CERS6: variants seen among roughly 807,000 people sequenced by gnomAD.
The protein encoded by CERS6 is ceramide synthase 6.
Under a neutral mutation model 56.8 loss-of-function variants are expected in CERS6, and 26 were observed. That is an observed-to-expected ratio of 0.46 (90% CI 0.34 to 0.63). The LOEUF (loss-of-function observed/expected upper bound fraction) is 0.63, where lower values mean the gene tolerates loss of function less well. CERS6 is among the 30% of genes least tolerant of loss of function. The probability of loss-of-function intolerance (pLI) is 0.01; values close to 1 mark genes in which losing one functional copy is unlikely to be tolerated. For synonymous variants in CERS6, 164 were observed against 173.3 expected (o/e 0.95, Z 0.42); for missense variants, 415 against 467.5 (o/e 0.89, Z 1.04).
At chr2:168,670,984 C>A (rs918004383) in intron 4 of CERS6, among the ~76,000 whole-genome samples, 23 of 138,756 alleles carry the variant, frequency 1.7e-4, no homozygotes, top group Non-Finnish European at 2.8e-4. Flanking sequence ...CCCCCCCAGA[C>A]GGAAGCTTGC....
intron 4 of CERS6, among the ~76,000 whole-genome samples, chr2:168,643,155 A>G (rs10199120): frequency 0.31 from 47,312 of 152,098 alleles, 9,003 homozygotes; most frequent in African/African-American, 0.52. Flanking sequence ...TGTTCCTCCT[A>G]ATCACAGCCC....
At chr2:168,510,447 A>G (rs1367559253) in intron 1 of CERS6, among the ~76,000 whole-genome samples, 1 of 152,172 alleles carries the variant, frequency 6.6e-6, no homozygotes. Context: ...GTAATGTGCT[A>G]TGCAGATTTG....
intron 3 of CERS6, among the ~76,000 whole-genome samples, chr2:168,571,601 A>G (rs1051388466): frequency 4.6e-5 from 7 of 152,156 alleles, no homozygotes; most frequent in Admixed American, 6.5e-5. Context: ...CAAATTCATA[A>G]TAAGCCCTCC....
intron 4 of CERS6, among the ~76,000 whole-genome samples, chr2:168,679,969 A>T (rs1280065478): frequency 1.3e-5 from 2 of 152,372 alleles, no homozygotes; most frequent in East Asian, 1.9e-4. Context: ...ACCAAAGAGC[A>T]TGAAACCGCA....
intron 4 of CERS6, among the ~76,000 whole-genome samples, chr2:168,650,972 C>T (rs1685328079): frequency 6.6e-6 from 1 of 151,910 alleles, no homozygotes; most frequent in Non-Finnish European, 1.5e-5. Context: ...GGAGAGTGGG[C>T]AGGAGTGTGA....
chr2:168,477,177 G>C (rs1188328871), intron 1 of CERS6, among the ~76,000 whole-genome samples: 9 of 36,074 alleles, frequency 2.5e-4, no homozygotes, highest in Admixed American at 1.1e-3. Flanking sequence ...GAGAGACAGA[G>C]AGAGAGAGAG....
chr2:168,721,598 A>G (rs1217399975), intron 8 of CERS6, among the ~76,000 whole-genome samples: 1 of 147,790 alleles, frequency 6.8e-6, no homozygotes, highest in Admixed American at 6.8e-5. Flanking sequence ...AAAACTAAAG[A>G]AAAAGAACAT....
Position 168,576,405 on chromosome 2 carries a change from T to G in CERS6, c.407+15083T>G, listed in dbSNP as rs149644005. Among the ~76,000 whole-genome samples, 115 of 152,286 alleles carry G rather than the reference T, an allele frequency of 7.6e-4. 1 individual carries two copies. The highest frequency in any genetic ancestry group is 1.4e-3 in the Non-Finnish European group (97 of 68,026). On this transcript the variant is annotated intron_variant, in intron 3 of 9. Coordinates refer to ENST00000305747, the MANE Select transcript of CERS6 (RefSeq NM_203463.3). Reference sequence around the variant, plus strand: ...CCCAAATACATTTTGAGTGCCTACTTTATGCCCAGCGGTCTTGTAAGTGCT... The same window carrying G: ...CCCAAATACATTTTGAGTGCCTACTGTATGCCCAGCGGTCTTGTAAGTGCT...
At chr2:168,552,068 T>C (rs986996173) in intron 2 of CERS6, among the ~76,000 whole-genome samples, 3 of 152,172 alleles carry the variant, frequency 2.0e-5, no homozygotes, top group Non-Finnish European at 4.4e-5. Flanking sequence ...ACTTTTGGTA[T>C]GTTAGAGTAA....
In CERS6 at chr2:168,766,322, G is replaced by A. The variant is rs1326171546; in HGVS notation, c.1002+574G>A. The A allele has an allele frequency of 2.5e-6, 4 of 1,598,010 alleles. No individual in the cohort carries two copies. The Admixed American group carries it at 6.7e-5, about 27-fold the overall frequency. On this transcript the variant is annotated intron_variant, in intron 9 of 9. Coordinates refer to ENST00000305747, the MANE Select transcript of CERS6 (RefSeq NM_203463.3). ...TCTCTTCCTTCTGCTACCCTGGAAGGCTGGGAAGTGGAACCCTTTACATGT... is the reference window on the plus strand; with the variant it reads ...TCTCTTCCTTCTGCTACCCTGGAAGACTGGGAAGTGGAACCCTTTACATGT...
chr2:168,738,925 T>G (rs1683800625), intron 8 of CERS6, among the ~76,000 whole-genome samples: 1 of 152,014 alleles, frequency 6.6e-6, no homozygotes, highest in Non-Finnish European at 1.5e-5. Flanking sequence ...CTCACTCTGT[T>G]GCCAGGCTGG....
intron 1 of CERS6, among the ~76,000 whole-genome samples, chr2:168,518,972 A>G (rs551837945): frequency 5.9e-5 from 9 of 152,132 alleles, no homozygotes; most frequent in African/African-American, 9.6e-5. Flanking sequence ...CTGGCTGCAC[A>G]CTGGAATTGC....
chr2:168,625,664 T>A (rs77802642), intron 3 of CERS6, among the ~76,000 whole-genome samples: 1,859 of 152,300 alleles, frequency 0.012, 32 homozygotes, highest in African/African-American at 0.041. Context: ...GTTTTCCATG[T>A]TGCAGCATCC....
chr2:168,608,780 G>A (rs1684114334), intron 3 of CERS6, among the ~76,000 whole-genome samples: 1 of 152,004 alleles, frequency 6.6e-6, no homozygotes, highest in South Asian at 2.1e-4. Context: ...TTAATGACTT[G>A]CAAACATTTT....
intron 3 of CERS6, among the ~76,000 whole-genome samples, chr2:168,571,275 C>T (rs578087420): frequency 2.8e-4 from 43 of 152,028 alleles, no homozygotes; most frequent in African/African-American, 9.9e-4. Context: ...GTTTGATTTC[C>T]TCCTGGCTAT....
At chr2:168,614,263 C>T (rs1212956723) in intron 3 of CERS6, among the ~76,000 whole-genome samples, 2 of 152,182 alleles carry the variant, frequency 1.3e-5, no homozygotes, top group Admixed American at 1.3e-4. Context: ...TATGTGTATA[C>T]ACATATTTTC....
intron 1 of CERS6, among the ~76,000 whole-genome samples, chr2:168,525,253 C>T (rs1317164597): frequency 6.6e-6 from 1 of 152,182 alleles, no homozygotes; most frequent in Non-Finnish European, 1.5e-5. Flanking sequence ...GGTTGCTAGG[C>T]CCCACGCCCA....
At chr2:168,515,391 T>C (rs1025844275) in intron 1 of CERS6, among the ~76,000 whole-genome samples, 1 of 152,150 alleles carries the variant, frequency 6.6e-6, no homozygotes, top group Non-Finnish European at 1.5e-5. Flanking sequence ...TTTAACTATG[T>C]AGTCACTGTG....
At position 168,636,641 on chromosome 2, in the gene CERS6, A is replaced by G. The variant is rs924881072; in HGVS notation, c.465+5599A>G. On this transcript the variant is annotated intron_variant, in intron 4 of 9. Transcript: ENST00000305747. ...GTCCTGGCTGTGCTTCGATGCTTAC[A>G]AATAGGTAAACATCTGCAACAAAAA... Among the ~76,000 whole-genome samples the G allele has an allele frequency of 4.6e-5, 7 of 152,238 alleles. No individual in the cohort carries two copies. In the East Asian group the frequency reaches 7.7e-4, roughly 17 times the overall value.
Sources: gnomAD v4.1 joint callset for allele counts (sites outside exome capture counted in the v4.1 genomes callset) on GRCh38, gnomAD v4.1.1 for gene constraint, MANE v1.5 for transcripts, NCBI Gene and HGNC (gene_info 2026-07-23, HGNC 2026-07-21) for gene names.